The following CRACD variants were observed in gnomAD, a reference collection of about 807,000 sequenced individuals.
CRACD encodes capping protein-inhibiting regulator of actin dynamics.
CRACD carries 56 observed loss-of-function variants against 106.8 expected under a neutral mutation model. The observed-to-expected ratio is 0.52, with a 90% CI of 0.42 to 0.66. The LOEUF (loss-of-function observed/expected upper bound fraction) is 0.66, where lower values mean the gene tolerates loss of function less well. CRACD is among the 30% of genes least tolerant of loss of function. CRACD has a pLI of 0.00. For missense variants in CRACD, 1,730 were observed against 1,623.2 expected (o/e 1.07, Z -1.13); for synonymous variants, 754 against 670.8 (o/e 1.12, Z -1.92).
chr4:56,326,889 G>A (rs1746483750), intron 10 of CRACD, among the ~76,000 whole-genome samples: 1 of 152,048 alleles, frequency 6.6e-6, no homozygotes, highest in Non-Finnish European at 1.5e-5. Flanking sequence ...ACAGACACCT[G>A]CCAACAAGCC....
chr4:56,292,019 T>A (rs1035076794), intron 3 of CRACD, among the ~76,000 whole-genome samples: 3 of 152,178 alleles, frequency 2.0e-5, no homozygotes, highest in African/African-American at 4.8e-5. Context: ...TAGAGACTGG[T>A]TAAATACTTG....
intron 1 of CRACD, among the ~76,000 whole-genome samples, chr4:56,151,803 A>T (rs900266355): frequency 8.6e-5 from 13 of 151,882 alleles, no homozygotes; most frequent in Admixed American, 4.6e-4. Flanking sequence ...TTTGTTGCAT[A>T]TCTCTCAGTT....
intron 2 of CRACD, among the ~76,000 whole-genome samples, chr4:56,221,279 A>G (rs1442297858): frequency 6.6e-6 from 1 of 152,302 alleles, no homozygotes; most frequent in East Asian, 1.9e-4. Context: ...GAAATACTTC[A>G]CGGAAGAAAA....
intron 2 of CRACD, among the ~76,000 whole-genome samples, chr4:56,183,190 G>A (rs897140195): frequency 1.4e-5 from 2 of 147,458 alleles, no homozygotes; most frequent in Non-Finnish European, 3.0e-5. Context: ...CCAAGATTGC[G>A]CCGTTGCACT....
chr4:56,239,121 C>T (rs1190988675), intron 2 of CRACD, among the ~76,000 whole-genome samples: 2 of 152,020 alleles, frequency 1.3e-5, no homozygotes, highest in East Asian at 1.9e-4. Context: ...GGTGAAACTG[C>T]GTCTCTACTA....
intron 2 of CRACD, among the ~76,000 whole-genome samples, chr4:56,215,321 C>T (rs571325375): frequency 1.3e-5 from 2 of 152,288 alleles, no homozygotes; most frequent in African/African-American, 2.4e-5. Flanking sequence ...GTGCCTGGCT[C>T]ATATGTCTTT....
intron 1 of CRACD, among the ~76,000 whole-genome samples, chr4:56,145,233 A>T (rs1413770974): frequency 6.6e-6 from 1 of 152,192 alleles, no homozygotes; most frequent in Non-Finnish European, 1.5e-5. Context: ...TTGATTTTAC[A>T]CACCAGAGAT....
chr4:56,224,239 C>T (rs1739186507), intron 2 of CRACD, among the ~76,000 whole-genome samples: 1 of 152,054 alleles, frequency 6.6e-6, no homozygotes, highest in African/African-American at 2.4e-5. Context: ...CCACACTATG[C>T]TTTTCCATTT....
intron 1 of CRACD, among the ~76,000 whole-genome samples, chr4:56,154,940 G>T (rs1735717911): frequency 1.3e-5 from 2 of 152,144 alleles, no homozygotes; most frequent in South Asian, 4.2e-4. Flanking sequence ...TAAGAAATCT[G>T]TTGTGAAAAC....
rs1248277802 is a variant in CRACD at position 56,179,357 on chromosome 4, G to T, written c.-262G>T. 6.6e-6 allele frequency: 1 copy of T among 152,064 alleles called. No homozygotes were observed. The highest frequency in any genetic ancestry group is 1.5e-5 in the Non-Finnish European group (1 of 68,012). 9.4% of individuals were successfully genotyped at this position (152,064 alleles called of 1,614,324 possible). On this transcript the variant is annotated 5_prime_UTR_variant, in exon 2 of 11. Transcript: ENST00000682029. Reference sequence around the variant, plus strand: ...CCTGACATTTACAGCTGAAGGTGAAGTTTCCCTTTTGCAAGGAGAAAATTT... The same window carrying T: ...CCTGACATTTACAGCTGAAGGTGAATTTTCCCTTTTGCAAGGAGAAAATTT...
intron 1 of CRACD, among the ~76,000 whole-genome samples, chr4:56,163,565 T>C (rs148646525): frequency 2.6e-5 from 4 of 152,316 alleles, no homozygotes; most frequent in African/African-American, 7.2e-5. Flanking sequence ...TGAAGCACTT[T>C]AAAAATTTTT....
chr4:56,120,800 T>C (rs1433136594), intron 1 of CRACD, among the ~76,000 whole-genome samples: 1 of 152,246 alleles, frequency 6.6e-6, no homozygotes. Context: ...AGTTAGCAGT[T>C]TGGGCCTTGT....
At chr4:56,201,169 CAG>C (rs1737862969) in intron 2 of CRACD, among the ~76,000 whole-genome samples, 1 of 152,124 alleles carries the variant, frequency 6.6e-6, no homozygotes, top group Admixed American at 6.6e-5. Context: ...TAAGGCTACT[CAG>C]AGTGTGCTGA....
At chr4:56,307,032 G>A (rs1047964702) in intron 4 of CRACD, among the ~76,000 whole-genome samples, 5 of 152,194 alleles carry the variant, frequency 3.3e-5, no homozygotes, top group Non-Finnish European at 5.9e-5. Context: ...GGAAGGCTGC[G>A]GAAGTATAAA....
At chr4:56,308,821 C>G (rs1744934379) in intron 5 of CRACD, 2 of 1,283,070 alleles carry the variant, frequency 1.6e-6, no homozygotes, top group Non-Finnish European at 2.0e-6. Context: ...CAGCCATCGC[C>G]TTGGTGCAGG....
At chr4:56,109,068 A>G (rs539081443) in intron 1 of CRACD, among the ~76,000 whole-genome samples, 5 of 152,076 alleles carry the variant, frequency 3.3e-5, no homozygotes, top group Non-Finnish European at 7.4e-5. Context: ...CTGCTAAGTA[A>G]TGGGTGCCTT....
At chr4:56,183,907 G>T (rs1198344521) in intron 2 of CRACD, among the ~76,000 whole-genome samples, 1 of 152,118 alleles carries the variant, frequency 6.6e-6, no homozygotes, top group Admixed American at 6.6e-5. Context: ...TCCTTTCAAG[G>T]TCCTTTTTTT....
intron 1 of CRACD, among the ~76,000 whole-genome samples, chr4:56,061,882 T>C (rs371763948): frequency 2.0e-5 from 3 of 152,226 alleles, no homozygotes; most frequent in African/African-American, 4.8e-5. Context: ...CTCTTCAGCA[T>C]TGATTAAAAT....
intron 1 of CRACD, among the ~76,000 whole-genome samples, chr4:56,178,875 A>C (rs753124244): frequency 6.6e-6 from 1 of 152,216 alleles, no homozygotes; most frequent in Non-Finnish European, 1.5e-5. Flanking sequence ...GATTTGTATT[A>C]GAGTAAAAAG....
Sources: allele counts gnomAD v4.1 joint callset (sites outside exome capture counted in the v4.1 genomes callset), GRCh38; gene constraint gnomAD v4.1.1; transcripts MANE v1.5; gene names NCBI Gene and HGNC (gene_info 2026-07-23, HGNC 2026-07-21).